RBFOX1: variants seen among roughly 807,000 people sequenced by gnomAD.
RBFOX1 encodes the protein RNA binding fox-1 homolog 1.
In RBFOX1, 8 loss-of-function variants were observed where a neutral mutation model predicts 57.7. The ratio of observed to expected loss-of-function variants is 0.14; its 90% CI spans 0.08 to 0.25. RBFOX1 has a LOEUF of 0.25. RBFOX1 is among the 10% of genes least tolerant of loss of function. RBFOX1 has a pLI of 1.00. For missense variants in RBFOX1, 611 were observed against 548.5 expected (o/e 1.11, Z -1.14); for synonymous variants, 326 against 222.4 (o/e 1.47, Z -4.15).
chr16:6,684,731 C>G (rs925120024), intron 3 of RBFOX1, among the ~76,000 whole-genome samples: 1 of 152,128 alleles, frequency 6.6e-6, no homozygotes, highest in Non-Finnish European at 1.5e-5. Flanking sequence ...GGGCCTAGCC[C>G]CCTGTCGTGA....
chr16:7,236,795 TCCTTGTG>T (rs1219838434), intron 4 of RBFOX1, among the ~76,000 whole-genome samples: 2 of 152,326 alleles, frequency 1.3e-5, no homozygotes, highest in Non-Finnish European at 1.5e-5. Context: ...AGGCAGACAG[TCCTTGTG>T]CCTGGGTTTG....
At position 5,433,834 on chromosome 16, in the gene RBFOX1, C is replaced by A. The variant is rs1037898511; in HGVS notation, c.220-33382C>A. Among the ~76,000 whole-genome samples, 2 of 152,074 alleles carry A rather than the reference C, an allele frequency of 1.3e-5. 1 individual carries two copies. Among genetic ancestry groups the A allele is most frequent in the South Asian group, 4.2e-4 (2 of 4,812 alleles). On this transcript the variant is annotated intron_variant, in intron 1 of 2. Coordinates refer to the RBFOX1 transcript ENST00000585867. ...GCATGGTGCATACCAGCACAGTAAG[C>A]GCTCAATACATGGTTATTACATGGA...
chr16:6,725,831 T>C (rs190635884), intron 3 of RBFOX1, among the ~76,000 whole-genome samples: 1 of 152,330 alleles, frequency 6.6e-6, no homozygotes, highest in African/African-American at 2.4e-5. Context: ...CATTGGGTTG[T>C]GCAATACTGT....
chr16:6,870,988 C>T (rs529765561), intron 3 of RBFOX1, among the ~76,000 whole-genome samples: 1 of 152,316 alleles, frequency 6.6e-6, no homozygotes, highest in East Asian at 1.9e-4. Flanking sequence ...ATGAAGCCCA[C>T]TATCCAGTGA....
At chr16:6,039,037 A>T (rs1352422926) in intron 1 of RBFOX1, 4 of 145,204 alleles carry the variant, frequency 2.8e-5, no homozygotes, top group African/African-American at 7.6e-5. Context: ...AAAAAAAAGT[A>T]GAAAAATTAA....
intron 4 of RBFOX1, among the ~76,000 whole-genome samples, chr16:7,199,900 A>G (rs1031205489): frequency 4.1e-5 from 6 of 147,834 alleles, no homozygotes; most frequent in Non-Finnish European, 9.0e-5. Flanking sequence ...ATCTCAAAAA[A>G]ACAAAACAAA....
intron 1 of RBFOX1, among the ~76,000 whole-genome samples, chr16:6,278,570 T>G (rs1173691740): frequency 6.6e-6 from 1 of 152,112 alleles, no homozygotes; most frequent in Non-Finnish European, 1.5e-5. Flanking sequence ...TATCTCTGAA[T>G]TTCTCTTTTG....
At chr16:6,691,060 C>G (rs1409388411) in intron 3 of RBFOX1, among the ~76,000 whole-genome samples, 6 of 152,126 alleles carry the variant, frequency 3.9e-5, no homozygotes, top group African/African-American at 7.2e-5. Flanking sequence ...CATGTTCCTT[C>G]TGATTGTTAA....
Position 7,712,084 on chromosome 16 carries a change from C to G in RBFOX1, c.*1339C>G, listed in dbSNP as rs1436591529. On this transcript the variant is annotated 3_prime_UTR_variant, in exon 16 of 16. Transcript: ENST00000550418. ...TCCCAAAAGAACAAAGTCTCCCCAC[C>G]TTTCTCGGATGCAGGGCCAGAGTGA... 1 of 152,614 alleles carries G rather than the reference C, an allele frequency of 6.6e-6. No homozygotes were observed. Among genetic ancestry groups the G allele is most frequent in the Non-Finnish European group, 1.5e-5 (1 of 68,052 alleles). 9.5% of individuals were successfully genotyped at this position (152,614 alleles called of 1,614,324 possible). A position where few individuals can be genotyped will look rare whatever the true frequency, so the allele number is the denominator to read the frequency against.
chr16:6,851,858 G>C (rs2094085767), intron 3 of RBFOX1, among the ~76,000 whole-genome samples: 1 of 152,096 alleles, frequency 6.6e-6, no homozygotes, highest in Admixed American at 6.5e-5. Flanking sequence ...TTCTAGAACA[G>C]GGACACCACT....
At chr16:7,302,412 G>C (rs896873012) in intron 4 of RBFOX1, among the ~76,000 whole-genome samples, 7 of 152,266 alleles carry the variant, frequency 4.6e-5, no homozygotes, top group Non-Finnish European at 1.0e-4. Context: ...ATTTGGCTGA[G>C]GATGTCGGGG....
chr16:7,164,403 A>C (rs563340962), intron 4 of RBFOX1, among the ~76,000 whole-genome samples: 5 of 152,288 alleles, frequency 3.3e-5, no homozygotes, highest in African/African-American at 1.2e-4. Context: ...TTTTGCAATT[A>C]CAAATAGTGC....
chr16:7,344,168 A>G (rs2096950938), intron 4 of RBFOX1, among the ~76,000 whole-genome samples: 2 of 148,540 alleles, frequency 1.3e-5, no homozygotes, highest in Admixed American at 6.7e-5. Flanking sequence ...TCTTCGGTAA[A>G]ATGGCCCATA....
At chr16:5,962,748 C>A (rs2059773726) in intron 4 of RBFOX1, among the ~76,000 whole-genome samples, 1 of 151,028 alleles carries the variant, frequency 6.6e-6, no homozygotes, top group Admixed American at 6.6e-5. Flanking sequence ...GTTTCTTGGG[C>A]TCTGGATTAG....
intron 1 of RBFOX1, among the ~76,000 whole-genome samples, chr16:6,280,597 C>A (rs1306111441): frequency 1.3e-5 from 2 of 152,060 alleles, no homozygotes; most frequent in Non-Finnish European, 2.9e-5. Flanking sequence ...TGTAATGTCG[C>A]AGTACTCAGG....
chr16:6,899,410 C>T (rs184069276), intron 3 of RBFOX1, among the ~76,000 whole-genome samples: 85 of 152,290 alleles, frequency 5.6e-4, no homozygotes, highest in African/African-American at 2.0e-3. Flanking sequence ...TTTCATGAAG[C>T]ATGGATACAT....
intron 4 of RBFOX1, among the ~76,000 whole-genome samples, chr16:7,144,960 C>G (rs549289163): frequency 5.3e-5 from 8 of 152,086 alleles, no homozygotes; most frequent in Non-Finnish European, 8.8e-5. Context: ...CCCCCTCCCC[C>G]AGTGGAGTGC....
At chr16:5,689,311 A>G (rs928044247) in intron 3 of RBFOX1, among the ~76,000 whole-genome samples, 4 of 152,230 alleles carry the variant, frequency 2.6e-5, no homozygotes, top group Non-Finnish European at 5.9e-5. Context: ...ATGGTTACCT[A>G]TCAAGGGTTG....
chr16:6,535,583 A>G (rs1351771294), intron 2 of RBFOX1, among the ~76,000 whole-genome samples: 1 of 152,212 alleles, frequency 6.6e-6, no homozygotes, highest in Admixed American at 6.5e-5. Flanking sequence ...GCTGTCACAA[A>G]TGCTTAAATG....
Sources: gnomAD v4.1 joint callset for allele counts (sites outside exome capture counted in the v4.1 genomes callset) on GRCh38, gnomAD v4.1.1 for gene constraint, MANE v1.5 for transcripts, NCBI Gene and HGNC (gene_info 2026-07-23, HGNC 2026-07-21) for gene names.